Variants in CALN1 observed in about 807,000 individuals in gnomAD.
CALN1 encodes the protein calneuron 1.
In CALN1, 17 loss-of-function variants were observed where a neutral mutation model predicts 30.6. That is an observed-to-expected ratio of 0.56 (90% confidence interval 0.38 to 0.83). CALN1 has a LOEUF of 0.83. Among genes scored for constraint, CALN1 ranks in the 40% least tolerant of loss-of-function variants. The pLI, the probability that CALN1 is intolerant of heterozygous loss-of-function variation, is 0.00. For synonymous variants in CALN1, 156 were observed against 131.4 expected (o/e 1.19, Z -1.28); for missense variants, 291 against 354.9 (o/e 0.82, Z 1.45).
At chr7:72,003,871 C>G (rs764124292) in intron 5 of CALN1, among the ~76,000 whole-genome samples, 7 of 152,180 alleles carry the variant, frequency 4.6e-5, no homozygotes, top group Non-Finnish European at 1.0e-4. Flanking sequence ...TTGTCTTCCA[C>G]GAAACCAGTC....
chr7:72,392,425 C>T (rs1360080960), intron 2 of CALN1, among the ~76,000 whole-genome samples: 3 of 152,108 alleles, frequency 2.0e-5, no homozygotes, highest in South Asian at 2.1e-4. Context: ...GGCTCCTGTA[C>T]GGCCACATGG....
intron 5 of CALN1, among the ~76,000 whole-genome samples, chr7:72,015,973 G>A (rs938723586): frequency 6.6e-6 from 1 of 152,088 alleles, no homozygotes; most frequent in African/African-American, 2.4e-5. Flanking sequence ...GAGAGGCCAG[G>A]CACGGTGGCT....
chr7:72,336,903 C>T (rs1802096575), intron 2 of CALN1: 1 of 984,994 alleles, frequency 1.0e-6, no homozygotes, highest in Non-Finnish European at 1.2e-6. Flanking sequence ...CCCTCGGCGC[C>T]CCCGGGCCGC....
At chr7:72,234,867 G>A (rs1381628884) in intron 3 of CALN1, among the ~76,000 whole-genome samples, 1 of 152,154 alleles carries the variant, frequency 6.6e-6, no homozygotes, top group Non-Finnish European at 1.5e-5. Context: ...AATTATGGGT[G>A]GAAAGCAATG....
chr7:72,020,289 T>A (rs1800630449), intron 5 of CALN1, among the ~76,000 whole-genome samples: 2 of 152,118 alleles, frequency 1.3e-5, no homozygotes, highest in Admixed American at 6.6e-5. Flanking sequence ...CTGCTTCTTT[T>A]TTGTATATTA....
intron 3 of CALN1, among the ~76,000 whole-genome samples, chr7:72,269,868 A>G (rs1796856846): frequency 6.6e-6 from 1 of 152,236 alleles, no homozygotes; most frequent in African/African-American, 2.4e-5. Flanking sequence ...GATGGCCTAG[A>G]GCCTTGATGT....
intron 3 of CALN1, among the ~76,000 whole-genome samples, chr7:72,273,050 A>AC (rs1797101356): frequency 6.6e-6 from 1 of 151,850 alleles, no homozygotes; most frequent in African/African-American, 2.4e-5. Context: ...AACCACCGAG[A>AC]CCCCCACCTC....
the CALN1 span, among the ~76,000 whole-genome samples, chr7:72,461,180 T>C: frequency 6.6e-6 from 1 of 152,178 alleles, no homozygotes; most frequent in South Asian, 2.1e-4. Context: ...GGTGAGACTG[T>C]GAGGAAAAGG....
chr7:72,300,436 G>GAA (rs72368872), intron 2 of CALN1, among the ~76,000 whole-genome samples: 20 of 148,024 alleles, frequency 1.4e-4, no homozygotes, highest in African/African-American at 4.7e-4. Context: ...ATAAAAACAA[G>GAA]AAAAAAAAAC....
At chr7:72,235,420 C>T (rs1342685983) in intron 3 of CALN1, among the ~76,000 whole-genome samples, 2 of 152,066 alleles carry the variant, frequency 1.3e-5, no homozygotes, top group South Asian at 2.1e-4. Flanking sequence ...AAAGAATTTG[C>T]TACAGGGAAA....
chr7:71,961,331 T>C (rs1358089357), intron 5 of CALN1, among the ~76,000 whole-genome samples: 2 of 152,138 alleles, frequency 1.3e-5, no homozygotes, highest in South Asian at 2.1e-4. Context: ...AAGACAGATA[T>C]TTACATCCTA....
chr7:72,257,117 A>G lies in CALN1; in HGVS notation c.244+21569T>C, dbSNP rs1464635247. 5.9e-5 allele frequency among the ~76,000 whole-genome samples: 9 copies of G among 152,206 alleles called. 1 individual carries two copies. In the South Asian group the frequency reaches 1.9e-3, roughly 32 times the overall value. ...GAAAGAGAAGCAAGGCACATCTTACATGGCGGCAAGAGAGAGAGCGTGCAC... is the reference window on the plus strand; with the variant it reads ...GAAAGAGAAGCAAGGCACATCTTACGTGGCGGCAAGAGAGAGAGCGTGCAC... On this transcript the variant is annotated intron_variant, in intron 3 of 6. Coordinates refer to ENST00000395275, the MANE Select transcript of CALN1 (RefSeq NM_031468.4).
intron 1 of CALN1, among the ~76,000 whole-genome samples, chr7:72,426,358 A>C (rs1807799380): frequency 6.6e-6 from 1 of 152,064 alleles, no homozygotes; most frequent in South Asian, 2.1e-4. Context: ...ATCATGGGGG[A>C]GTTTCTCCCA....
At chr7:71,847,802 G>A (rs10249363) in intron 5 of CALN1, among the ~76,000 whole-genome samples, 14 of 128,926 alleles carry the variant, frequency 1.1e-4, no homozygotes, top group Non-Finnish European at 1.8e-4. Context: ...AAGAAAAGAA[G>A]AAAAGAAGGA....
intron 5 of CALN1, among the ~76,000 whole-genome samples, chr7:71,968,883 A>T (rs900143220): frequency 5.1e-5 from 7 of 137,060 alleles, no homozygotes; most frequent in African/African-American, 2.1e-4. Flanking sequence ...CACCTCTACA[A>T]TTTTTTTTTT....
intron 1 of CALN1, among the ~76,000 whole-genome samples, chr7:72,406,177 T>C (rs1585679623): frequency 6.6e-6 from 1 of 152,084 alleles, no homozygotes; most frequent in African/African-American, 2.4e-5. Flanking sequence ...AATTCCCCTC[T>C]CCCAGTCACA....
At chr7:72,401,579 G>C (rs765021866) in intron 2 of CALN1, among the ~76,000 whole-genome samples, 5 of 152,152 alleles carry the variant, frequency 3.3e-5, no homozygotes, top group Non-Finnish European at 7.3e-5. Context: ...AGCCCCAAAG[G>C]AGAAGCACAT....
At chr7:72,052,697 G>A (rs1387594913) in intron 4 of CALN1, among the ~76,000 whole-genome samples, 1 of 152,198 alleles carries the variant, frequency 6.6e-6, no homozygotes, top group Admixed American at 6.5e-5. Flanking sequence ...TCTACAGCCA[G>A]GCAGAGAAAT....
intron 5 of CALN1, among the ~76,000 whole-genome samples, chr7:71,984,229 C>A (rs844700): frequency 0.012 from 1,852 of 152,106 alleles, 41 homozygotes; most frequent in African/African-American, 0.043. Context: ...GGGGAACAGG[C>A]AGAAGTGTGA....
Sources: gnomAD v4.1 joint callset for allele counts (sites outside exome capture counted in the v4.1 genomes callset) on GRCh38, gnomAD v4.1.1 for gene constraint, MANE v1.5 for transcripts, NCBI Gene and HGNC (gene_info 2026-07-23, HGNC 2026-07-21) for gene names.